ATP10B: variants seen among roughly 807,000 people sequenced by gnomAD.
ATP10B encodes the protein phospholipid-transporting ATPase VB.
In ATP10B, 122 loss-of-function variants were observed where a neutral mutation model predicts 141.2. The observed-to-expected ratio is 0.86, with a 90% CI of 0.75 to 1.00. The LOEUF (loss-of-function observed/expected upper bound fraction) is 1.00, where lower values mean the gene tolerates loss of function less well. Ranked by LOEUF, ATP10B falls within the 50% of genes least tolerant of loss-of-function variation. The pLI, the probability that ATP10B is intolerant of heterozygous loss-of-function variation, is 0.00. For missense variants in ATP10B, 1,876 were observed against 1,825.3 expected (o/e 1.03, Z -0.51); for synonymous variants, 685 against 692.0 (o/e 0.99, Z 0.16).
At chr5:160,662,682 C>T (rs1762023088) in intron 7 of ATP10B, among the ~76,000 whole-genome samples, 1 of 152,144 alleles carries the variant, frequency 6.6e-6, no homozygotes, top group African/African-American at 2.4e-5. Context: ...AGATCTAAAA[C>T]CATAAAAACC....
chr5:160,579,297 T>C (rs1755397507), intron 24 of ATP10B, among the ~76,000 whole-genome samples: 1 of 152,220 alleles, frequency 6.6e-6, no homozygotes, highest in Non-Finnish European at 1.5e-5. Context: ...TTTTTATGGT[T>C]TTAGGTCTTA....
chr5:160,615,811 C>G (rs1390429462), intron 17 of ATP10B, 27 bp downstream of exon 17: 1 of 1,600,554 alleles, frequency 6.2e-7, no homozygotes, highest in Non-Finnish European at 8.5e-7. Context: ...TCCTTTTTTC[C>G]TATAATAATG....
At chr5:160,813,690 G>A (rs866897532) in intron 1 of ATP10B, among the ~76,000 whole-genome samples, 5 of 152,220 alleles carry the variant, frequency 3.3e-5, no homozygotes, top group Non-Finnish European at 7.3e-5. Flanking sequence ...GCCTCCTCAA[G>A]TGGGTCCCTG....
At chr5:160,823,501 T>G (rs1368938976) in intron 1 of ATP10B, among the ~76,000 whole-genome samples, 1 of 152,190 alleles carries the variant, frequency 6.6e-6, no homozygotes, top group Admixed American at 6.5e-5. Flanking sequence ...CATTTACCTA[T>G]GTAACAAACT....
intron 1 of ATP10B, among the ~76,000 whole-genome samples, chr5:160,808,205 T>TAAATTATGGTAAAA (rs1178527907): frequency 6.6e-6 from 1 of 152,152 alleles, no homozygotes; most frequent in Non-Finnish European, 1.5e-5. Flanking sequence ...TGGTAAATCT[T>TAAATTATGGTAAAA]CTAAGGTGTG....
the ATP10B span, among the ~76,000 whole-genome samples, chr5:160,918,674 GAAGA>G: frequency 6.6e-6 from 1 of 152,292 alleles, no homozygotes; most frequent in Non-Finnish European, 1.5e-5. Context: ...ATGGAAAAGT[GAAGA>G]GAGAGGTTGG....
intron 2 of ATP10B, among the ~76,000 whole-genome samples, chr5:160,725,027 T>C (rs1395384728): frequency 1.3e-5 from 2 of 152,204 alleles, no homozygotes; most frequent in Non-Finnish European, 2.9e-5. Flanking sequence ...CCTAGAATAG[T>C]TCCTTGTATG....
intron 13 of ATP10B, among the ~76,000 whole-genome samples, chr5:160,630,833 G>A (rs1369301019): frequency 3.3e-5 from 5 of 152,144 alleles, no homozygotes; most frequent in East Asian, 1.9e-4. Context: ...ACAATAACCC[G>A]AGAGGGAACT....
chr5:160,600,493 A>G (rs1757042450), intron 21 of ATP10B, among the ~76,000 whole-genome samples: 1 of 152,182 alleles, frequency 6.6e-6, no homozygotes, highest in Non-Finnish European at 1.5e-5. Context: ...GCAGGCCATG[A>G]TTGGCTTGAT....
At chr5:160,611,031 A>G (rs1324284022) in intron 18 of ATP10B, among the ~76,000 whole-genome samples, 1 of 152,244 alleles carries the variant, frequency 6.6e-6, no homozygotes, top group Non-Finnish European at 1.5e-5. Flanking sequence ...TAGGGTTTAA[A>G]TAAGTCTAAG....
intron 1 of ATP10B, among the ~76,000 whole-genome samples, chr5:160,804,258 CCTT>C (rs1397878179): frequency 1.3e-5 from 2 of 152,126 alleles, no homozygotes; most frequent in African/African-American, 2.4e-5. Context: ...ATGCACTTCT[CCTT>C]CTCAGCAGTT....
At chr5:160,683,122 A>C (rs2127741361) in intron 6 of ATP10B, among the ~76,000 whole-genome samples, 1 of 151,994 alleles carries the variant, frequency 6.6e-6, no homozygotes, top group African/African-American at 2.4e-5. Flanking sequence ...CGCTTTTTCA[A>C]AGGAAGGCAT....
In ATP10B at chr5:160,748,576, A is replaced by G. The variant is rs144019574; in HGVS notation, c.-330-31542T>C. 5.2e-3 allele frequency among the ~76,000 whole-genome samples: 798 copies of G among 152,314 alleles called. 8 individuals carry two copies. Among genetic ancestry groups the G allele is most frequent in the African/African-American group, 0.018 (754 of 41,566 alleles). ...CCTGCAGAGAGGGCTGCCCACTCTC[A>G]GTAGACCTGGCTCCTGCAGGGGTGC... is the stretch of plus-strand genomic sequence containing the variant. On this transcript the variant is annotated intron_variant, in intron 2 of 25. Coordinates refer to ENST00000327245, the MANE Select transcript of ATP10B (RefSeq NM_025153.3).
chr5:160,709,594 ATTT>A (rs1194308004), intron 3 of ATP10B, among the ~76,000 whole-genome samples: 17 of 129,194 alleles, frequency 1.3e-4, no homozygotes, highest in Non-Finnish European at 2.7e-4. Context: ...TCATAAACAA[ATTT>A]TTTTTTTTTA....
At chr5:160,636,645 G>C (rs1460628219) in intron 10 of ATP10B, among the ~76,000 whole-genome samples, 1 of 152,022 alleles carries the variant, frequency 6.6e-6, no homozygotes, top group African/African-American at 2.4e-5. Flanking sequence ...TTGTTCTGTG[G>C]TGCACACTTT....
chr5:160,834,289 C>A (rs921587955), intron 1 of ATP10B, among the ~76,000 whole-genome samples: 9 of 152,044 alleles, frequency 5.9e-5, no homozygotes, highest in African/African-American at 2.2e-4. Context: ...CATGCCACTG[C>A]ACTCCAGCCT....
At chr5:160,709,222 G>A (rs575531625) in intron 3 of ATP10B, among the ~76,000 whole-genome samples, 5 of 152,246 alleles carry the variant, frequency 3.3e-5, no homozygotes, top group African/African-American at 1.2e-4. Flanking sequence ...AAACTCTTAG[G>A]GCACAGGTAT....
At chr5:160,582,812 G>C (rs1161687332) in intron 24 of ATP10B, among the ~76,000 whole-genome samples, 1 of 150,922 alleles carries the variant, frequency 6.6e-6, no homozygotes, top group East Asian at 1.9e-4. Flanking sequence ...TTGTCTTCAA[G>C]CTTTCTCATT....
chr5:160,757,260 C>T (rs4292483), intron 2 of ATP10B, among the ~76,000 whole-genome samples: 86,548 of 151,994 alleles, frequency 0.57, 24,924 homozygotes, highest in Admixed American at 0.64. Flanking sequence ...GGTTCACTTT[C>T]GGACTCTTCT....
Sources: gnomAD v4.1 joint callset for allele counts (sites outside exome capture counted in the v4.1 genomes callset) on GRCh38, gnomAD v4.1.1 for gene constraint, MANE v1.5 for transcripts, NCBI Gene and HGNC (gene_info 2026-07-23, HGNC 2026-07-21) for gene names.